The following FAM178B variants were observed in gnomAD, a reference collection of about 807,000 sequenced individuals.
The protein encoded by FAM178B is family with sequence similarity 178 member B, also known as protein FAM178B.
FAM178B carries 82 observed loss-of-function variants against 91.7 expected under a neutral mutation model. The observed-to-expected ratio is 0.89, with a 90% CI of 0.75 to 1.07. The LOEUF is 1.07. FAM178B is among the 50% of genes least tolerant of loss of function. FAM178B has a pLI of 0.00. For synonymous variants in FAM178B, 368 were observed against 359.4 expected (o/e 1.02, Z -0.27); for missense variants, 769 against 846.7 (o/e 0.91, Z 1.14).
chr2:96,978,769 C>T (rs1286862445), intron 1 of FAM178B, among the ~76,000 whole-genome samples: 5 of 151,664 alleles, frequency 3.3e-5, no homozygotes, highest in Middle Eastern at 3.4e-3. Flanking sequence ...GAATTACAGG[C>T]GCCCGCCACC....
chr2:96,911,200 A>G (rs2081150773), intron 12 of FAM178B, among the ~76,000 whole-genome samples: 1 of 152,158 alleles, frequency 6.6e-6, no homozygotes, highest in African/African-American at 2.4e-5. Flanking sequence ...GAGTACGGCC[A>G]CAGCACCTGT....
At chr2:96,929,003 A>T (rs1386927767) in intron 9 of FAM178B, among the ~76,000 whole-genome samples, 1 of 152,004 alleles carries the variant, frequency 6.6e-6, no homozygotes, top group African/African-American at 2.4e-5. Context: ...ACAAAAAATT[A>T]AAAAATTCGC....
chr2:96,972,363 G>T, intron 2 of FAM178B, 41 bp from the exon 3 acceptor site: 1 of 1,466,010 alleles, frequency 6.8e-7, no homozygotes, highest in Non-Finnish European at 9.1e-7. Context: ...CTGCCCACCT[G>T]CCACTGTCCC....
intron 16 of FAM178B, chr2:96,877,613 G>A (rs2080276088): frequency 2.5e-6 from 1 of 405,214 alleles, no homozygotes; most frequent in South Asian, 3.4e-5. Flanking sequence ...ATGTTGGCCA[G>A]GCTGGTCTCC....
chr2:96,976,213 G>A (rs1466547247), intron 1 of FAM178B, among the ~76,000 whole-genome samples: 2 of 151,586 alleles, frequency 1.3e-5, no homozygotes, highest in African/African-American at 2.4e-5. Context: ...TCCTGCCTCA[G>A]CCTCCGAGTA....
At chr2:96,974,186 T>C (rs1163987131) in intron 1 of FAM178B, among the ~76,000 whole-genome samples, 1 of 151,068 alleles carries the variant, frequency 6.6e-6, no homozygotes, top group African/African-American at 2.4e-5. Flanking sequence ...ATCGAGACCA[T>C]CCTGGCTAAC....
At chr2:96,981,740 C>CA (rs377081384) in intron 1 of FAM178B, among the ~76,000 whole-genome samples, 1,090 of 18,594 alleles carry the variant, frequency 0.059, 25 homozygotes, top group African/African-American at 0.14. Context: ...GACTCCGTCT[C>CA]AAAAAAAAAA....
At position 96,925,952 on chromosome 2, in the gene FAM178B, A is replaced by T. The variant is rs117939996; in HGVS notation, c.1194-2369T>A. Among the ~76,000 whole-genome samples the T allele has an allele frequency of 2.0e-4, 31 of 152,260 alleles. 2 individuals carry two copies. The East Asian group carries it at 6.0e-3, about 29-fold the overall frequency. On this transcript the variant is annotated intron_variant, in intron 9 of 16. Coordinates refer to ENST00000490605, the MANE Select transcript of FAM178B (RefSeq NM_001122646.3). ...CCTCACTTGATAGGACGCCCTGTCA[A>T]TGTGTTAATTGTCATGTATTTACCC... is the stretch of plus-strand genomic sequence containing the variant.
At chr2:96,926,854 G>A (rs1479783473) in intron 9 of FAM178B, among the ~76,000 whole-genome samples, 1 of 152,186 alleles carries the variant, frequency 6.6e-6, no homozygotes, top group Non-Finnish European at 1.5e-5. Flanking sequence ...GTTACGGTGG[G>A]GACATGCACA....
intron 8 of FAM178B, among the ~76,000 whole-genome samples, chr2:96,944,136 G>C (rs897173432): frequency 6.6e-6 from 1 of 151,652 alleles, no homozygotes; most frequent in Non-Finnish European, 1.5e-5. Flanking sequence ...CAGCTACTTA[G>C]GAGGCTGAGG....
At chr2:96,977,398 A>G (rs969098081) in intron 1 of FAM178B, among the ~76,000 whole-genome samples, 41 of 150,178 alleles carry the variant, frequency 2.7e-4, no homozygotes, top group African/African-American at 5.3e-4. Context: ...AAAAAAAAAA[A>G]AAAAAGAAAA....
At chr2:96,893,160 T>C (rs1344867856) in intron 14 of FAM178B, among the ~76,000 whole-genome samples, 1 of 152,156 alleles carries the variant, frequency 6.6e-6, no homozygotes, top group Non-Finnish European at 1.5e-5. Context: ...TCTTCCCCAA[T>C]TATAACGATC....
At chr2:96,905,601 G>A (rs2081015561) in intron 12 of FAM178B, among the ~76,000 whole-genome samples, 2 of 149,328 alleles carry the variant, frequency 1.3e-5, no homozygotes, top group Admixed American at 1.3e-4. Flanking sequence ...AGTTCAGCTG[G>A]AAGGGAGATA....
intron 12 of FAM178B, among the ~76,000 whole-genome samples, chr2:96,911,983 T>TG (rs1170099901): frequency 1.3e-5 from 2 of 152,166 alleles, no homozygotes; most frequent in East Asian, 3.9e-4. Context: ...AGCATGTGCC[T>TG]GGAGCTGAGG....
At chr2:96,901,200 T>C (rs2153369237) in intron 13 of FAM178B, among the ~76,000 whole-genome samples, 1 of 147,928 alleles carries the variant, frequency 6.8e-6, no homozygotes, top group Non-Finnish European at 1.5e-5. Context: ...TTTTTTAGAG[T>C]CTTGCCCTGT....
At chr2:96,889,966 C>T (rs951001321) in intron 14 of FAM178B, among the ~76,000 whole-genome samples, 3 of 104,916 alleles carry the variant, frequency 2.9e-5, no homozygotes, top group African/African-American at 3.9e-5. Flanking sequence ...TGACAAAACC[C>T]CATCTTTATT....
intron 8 of FAM178B, among the ~76,000 whole-genome samples, chr2:96,938,261 T>C (rs2081665631): frequency 6.6e-6 from 1 of 152,176 alleles, no homozygotes. Flanking sequence ...TAAAAATTCC[T>C]GATGACAGGT....
intron 5 of FAM178B, 135 bp downstream of exon 5, chr2:96,967,385 A>C (rs2082156693): frequency 1.7e-6 from 1 of 600,332 alleles, no homozygotes; most frequent in Non-Finnish European, 3.0e-6. Flanking sequence ...CTTTAAGAGA[A>C]AGAGGTAGCT....
intron 12 of FAM178B, among the ~76,000 whole-genome samples, chr2:96,917,789 G>A (rs372550931): frequency 2.0e-5 from 3 of 152,166 alleles, no homozygotes; most frequent in African/African-American, 4.8e-5. Flanking sequence ...CCAAGAGGTC[G>A]AGGCTGCAGT....
Sources: allele counts gnomAD v4.1 joint callset (sites outside exome capture counted in the v4.1 genomes callset), GRCh38; gene constraint gnomAD v4.1.1; transcripts MANE v1.5; gene names NCBI Gene and HGNC (gene_info 2026-07-23, HGNC 2026-07-21).